The following FLG2 variants were observed in gnomAD, a reference collection of about 807,000 sequenced individuals.
FLG2 encodes filaggrin 2, also known as filaggrin-2.
In FLG2, 7 loss-of-function variants were observed where a neutral mutation model predicts 3.9. That is an observed-to-expected ratio of 1.79 (90% CI 1.02 to 3.36). The LOEUF is 3.36. FLG2 is among the 30% of genes most tolerant of loss of function. The pLI, the probability that FLG2 is intolerant of heterozygous loss-of-function variation, is 0.00. For synonymous variants in FLG2, 1,031 were observed against 1,056.1 expected (o/e 0.98, Z 0.46); for missense variants, 2,700 against 2,809.4 (o/e 0.96, Z 0.88).
In FLG2 at chr1:152,356,451, A is replaced by C. The variant is rs368123336; in HGVS notation, c.1335T>G (p.His445Gln). ...CACAAGTTTGACCTGAGCCACATAC[A>C]TGTTGTTCGAACCCAGAGGACTGAC... is the stretch of plus-strand genomic sequence containing the variant. ...GLSQSSGFEQ[H>Q]VCGSGQTCGQ... Residue 445 changes from histidine to glutamine, a missense_variant, in exon 3 of 3, where the codon CAT (histidine) becomes CAG (glutamine). Transcript: ENST00000388718. The C allele has an allele frequency of 2.5e-6, 4 of 1,614,122 alleles. No homozygotes were observed. The highest frequency in any genetic ancestry group is 2.7e-5 in the African/African-American group (2 of 74,948).
rs1360824238 is a variant in FLG2 at position 152,354,248 on chromosome 1, C to T, written c.3538G>A (p.Gly1180Arg). Residue 1180 changes from glycine (G) to arginine (R), a missense_variant, in exon 3 of 3, where the codon GGA becomes AGA. Transcript: ENST00000388718. ...TTGTCTGAGCCAGACACATGCTGTC[C>T]AAAACTTGTGGTTGGACCTGAGCCA... ...ESGSGPTTSF[G>R]QHVSGSDNFS... The T allele has an allele frequency of 6.2e-7, 1 of 1,613,844 alleles. No individual in the cohort carries two copies. The highest frequency in any genetic ancestry group is 2.2e-5 in the East Asian group (1 of 44,888).
In FLG2 at chr1:152,353,699, G is replaced by T. The variant is rs1340622094; in HGVS notation, c.4087C>A (p.Pro1363Thr). The change falls in exon 3 of 3, where the codon CCA becomes ACA. Residue 1363 changes from proline to threonine, a missense_variant. Pro to Thr is a conservative substitution (Grantham distance 38, BLOSUM62 -1). Transcript: ENST00000388718. The part of the protein sequence containing the change: ...SEVHSGVSHR[P>T]HSQEQTHSQA... ...CTGTGAGTTTGTTCTTGTGAGTGTG[G>T]TCTATGTGAGACCCCTGAGTGCACT... is the stretch of plus-strand genomic sequence containing the variant. The T allele has an allele frequency of 2.3e-5, 37 of 1,613,944 alleles. No homozygotes were observed. The highest frequency in any genetic ancestry group is 3.0e-5 in the Non-Finnish European group (35 of 1,179,990).
chr1:152,351,332 C>T lies in FLG2; in HGVS notation c.6454G>A (p.Gly2152Arg), dbSNP rs1653910721. 6.2e-7 allele frequency: 1 copy of T among 1,613,870 alleles called. No individual in the cohort carries two copies. Among genetic ancestry groups the T allele is most frequent in the Non-Finnish European group, 8.5e-7 (1 of 1,180,004 alleles). ...GRQGTIHGQT[G>R]DTTRHGQSGH... ...GACTGGCCATGTCTAGTGGTATCTC[C>T]TGTCTGTCCATGTATAGTTCCCTGT... is the stretch of plus-strand genomic sequence containing the variant. Residue 2152 changes from glycine (G) to arginine (R), a missense_variant, in exon 3 of 3, where the codon GGA becomes AGA. Gly to Arg is a moderately radical substitution (Grantham distance 125). Coordinates refer to ENST00000388718, the MANE Select transcript of FLG2 (RefSeq NM_001014342.3).
In FLG2 at chr1:152,352,176, G is replaced by A. The variant is rs751624369; in HGVS notation, c.5610C>T (p.Ser1870=). ...SGHGQSTQSG[S]STTGRRRSGH... is the part of the protein sequence containing the mutation. ...CAGATCTCCTTCTTCCAGTTGTACT[G>A]GATCCTGACTGTGTGGACTGTCCAT... Residue 1870 remains serine (S), a synonymous_variant, in exon 3 of 3, where the codon TCC becomes TCT. Transcript: ENST00000388718. 1.2e-6 allele frequency: 2 copies of A among 1,613,718 alleles called. No individual in the cohort carries two copies. Among genetic ancestry groups the A allele is most frequent in the Non-Finnish European group, 1.7e-6 (2 of 1,179,892 alleles).
In FLG2 at chr1:152,355,213, T is replaced by C. The variant is rs1161269033; in HGVS notation, c.2573A>G (p.Tyr858Cys). Residue 858 changes from tyrosine to cysteine, a missense_variant, in exon 3 of 3, where the codon TAT (tyrosine) becomes TGT (cysteine). By Grantham distance (194) the Tyr-to-Cys change is radical. Coordinates refer to ENST00000388718, the MANE Select transcript of FLG2 (RefSeq NM_001014342.3). ...HGSGSSQSSG[Y>C]GQHGSSSGQT... ...TCCCGAACTTGACCCATGTTGACCATAGCCAGATGATTGACTTGAGCCAGA... is the reference window on the plus strand; with the variant it reads ...TCCCGAACTTGACCCATGTTGACCACAGCCAGATGATTGACTTGAGCCAGA... The C allele has an allele frequency of 5.6e-6, 9 of 1,608,834 alleles. No homozygotes were observed. The highest frequency in any genetic ancestry group is 6.8e-6 in the Non-Finnish European group (8 of 1,178,716).
At chr1:152,357,896 C>T in intron 2 of FLG2, among the ~76,000 whole-genome samples, 1 of 152,102 alleles carries the variant, frequency 6.6e-6, no homozygotes, top group East Asian at 1.9e-4. Flanking sequence ...GTAAGGCCTA[C>T]AGGAAGGAGT....
chr1:152,352,003 T>A lies in FLG2; in HGVS notation c.5783A>T (p.Asp1928Val). 3.1e-6 allele frequency: 5 copies of A among 1,613,908 alleles called. No homozygotes were observed. The highest frequency in any genetic ancestry group is 1.1e-5 in the South Asian group (1 of 91,066). The change falls in exon 3 of 3, where the codon GAT becomes GTT. Residue 1928 changes from aspartate (D) to valine (V), a missense_variant. By Grantham distance (152) the Asp-to-Val change is radical. Coordinates refer to ENST00000388718, the MANE Select transcript of FLG2 (RefSeq NM_001014342.3). ...RHQTTHGQTG[D>V]TTEHGHPSHG... ...ACTAGGGTGGCCATGTTCAGTGGTA[T>A]CTCCTGTCTGTCCATGAGTAGTTTG... is the stretch of plus-strand genomic sequence containing the variant.
At position 152,357,065 on chromosome 1, in the gene FLG2, A is replaced by G; in HGVS notation, c.721T>C (p.Ser241Pro). 6.2e-7 allele frequency: 1 copy of G among 1,614,188 alleles called. No homozygotes were observed. The highest frequency in any genetic ancestry group is 8.5e-7 in the Non-Finnish European group (1 of 1,180,020). Reference protein sequence around the residue: ...SWERKGHGGLSCGLETSGHES... With the variant: ...SWERKGHGGLPCGLETSGHES... Reference sequence around the variant, plus strand: ...TGCCCACTAGTCTCCAATCCACATGACAGACCACCATGACCTTTCCTTTCC... The same window carrying G: ...TGCCCACTAGTCTCCAATCCACATGGCAGACCACCATGACCTTTCCTTTCC... Residue 241 changes from serine to proline, a missense_variant, in exon 3 of 3, where the codon TCA becomes CCA. Physicochemically the swap from Ser to Pro is moderately conservative, Grantham distance 74. Coordinates refer to ENST00000388718, the MANE Select transcript of FLG2 (RefSeq NM_001014342.3).
rs1427364387 is a variant in FLG2 at position 152,356,954 on chromosome 1, G to C, written c.832C>G (p.His278Asp). 6.2e-7 allele frequency: 1 copy of C among 1,614,184 alleles called. No homozygotes were observed. The highest frequency in any genetic ancestry group is 1.3e-5 in the African/African-American group (1 of 75,060). Residue 278 changes from histidine (H) to aspartate (D), a missense_variant, in exon 3 of 3, where the codon CAT becomes GAT. Physicochemically the swap from His to Asp is moderately conservative, Grantham distance 81. Coordinates refer to ENST00000388718, the MANE Select transcript of FLG2 (RefSeq NM_001014342.3). Reference protein sequence around the residue: ...SGSGDSGRRSHACGYSNSSGC... With the variant: ...SGSGDSGRRSDACGYSNSSGC... ...CTTGAATTGCTATAACCACATGCAT[G>C]ACTTCGCCTCCCACTGTCTCCTGAA...
In FLG2 at chr1:152,355,306, G is replaced by A. The variant is rs534756942; in HGVS notation, c.2480C>T (p.Ser827Leu). ...SAGFGQHGSGSGQSSGFGQHE... is the reference protein window; with the variant it reads ...SAGFGQHGSGLGQSSGFGQHE... ...CTGTCCAAAGCCAGAGGATTGTCCT[G>A]AGCCAGACCCATGTTGTCCAAAGCC... Residue 827 changes from serine (S) to leucine (L), a missense_variant, in exon 3 of 3, where the codon TCA becomes TTA. Transcript: ENST00000388718. The A allele has an allele frequency of 6.2e-7, 1 of 1,613,920 alleles. No homozygotes were observed. Among genetic ancestry groups the A allele is most frequent in the African/African-American group, 1.3e-5 (1 of 74,992 alleles).
In FLG2 at chr1:152,356,017, G is replaced by A. The variant is rs776364594; in HGVS notation, c.1769C>T (p.Ser590Phe). 1 of 1,613,662 alleles carries A rather than the reference G, an allele frequency of 6.2e-7. No homozygotes were observed. The change falls in exon 3 of 3, where the codon TCC becomes TTC. Residue 590 changes from serine (S) to phenylalanine (F), a missense_variant. Ser to Phe is a radical substitution (Grantham distance 155, BLOSUM62 -2). Coordinates refer to ENST00000388718, the MANE Select transcript of FLG2 (RefSeq NM_001014342.3). ...AGACCCATGTTGTCCAAAGCCAGAG[G>A]ACTGACCTGAGCCCGATCCATATTG... is the stretch of plus-strand genomic sequence containing the variant. ...FGQYGSGSGQ[S>F]SGFGQHGSGS...
At position 152,354,637 on chromosome 1, in the gene FLG2, C is replaced by A. The variant is rs1436967229; in HGVS notation, c.3149G>T (p.Gly1050Val). 1.2e-6 allele frequency: 2 copies of A among 1,613,952 alleles called. No homozygotes were observed. Among genetic ancestry groups the A allele is most frequent in the African/African-American group, 2.7e-5 (2 of 74,860 alleles). Residue 1050 changes from glycine (G) to valine (V), a missense_variant, in exon 3 of 3, where the codon GGC (glycine) becomes GTC (valine). Transcript: ENST00000388718. ...TGAACCAGTCCCATGTTGTCCAAAGCCAGAGGACTGATCTGAGCCTGATCC... is the reference window on the plus strand; with the variant it reads ...TGAACCAGTCCCATGTTGTCCAAAGACAGAGGACTGATCTGAGCCTGATCC... ...QHGSGSDQSS[G>V]FGQHGTGSGQ...
Position 152,354,843 on chromosome 1 carries a change from T to C in FLG2, c.2943A>G (p.Ser981=), listed in dbSNP as rs1478321072. 1 of 1,613,844 alleles carries C rather than the reference T, an allele frequency of 6.2e-7. No individual in the cohort carries two copies. The highest frequency in any genetic ancestry group is 1.1e-5 in the South Asian group (1 of 91,064). ...SSGFGQHESG[S]GKSSGFGQHE... ...GCTGTCCAAAGCCAGAGGATTTTCCTGAGCCTGACTCATGTTGTCCAAAGC... is the reference window on the plus strand; with the variant it reads ...GCTGTCCAAAGCCAGAGGATTTTCCCGAGCCTGACTCATGTTGTCCAAAGC... Residue 981 remains serine, a synonymous_variant, in exon 3 of 3, where the codon TCA becomes TCG. Transcript: ENST00000388718.
In FLG2 at chr1:152,352,958, C is replaced by T; in HGVS notation, c.4828G>A (p.Glu1610Lys). The T allele has an allele frequency of 6.2e-7, 1 of 1,613,052 alleles. No homozygotes were observed. The highest frequency in any genetic ancestry group is 8.5e-7 in the Non-Finnish European group (1 of 1,179,892). The change falls in exon 3 of 3, where the codon GAA (glutamate) becomes AAA (lysine). Residue 1610 changes from glutamate to lysine, a missense_variant. Glu to Lys is a moderately conservative substitution (Grantham distance 56). Transcript: ENST00000388718. ...GQAGSQHEEP[E>K]FTVHERHGTT... ...CCGTGTCTCTCATGAACTGTGAATT[C>T]TGGCTCTTCATGTTGAGATCCGGCT... is the stretch of plus-strand genomic sequence containing the variant.
rs964415749 is a variant in FLG2, at chr1:152,353,424, A to G, written c.4362T>C (p.His1454=). The change falls in exon 3 of 3, where the codon CAT becomes CAC. Residue 1454 remains histidine (H), a synonymous_variant. Coordinates refer to ENST00000388718, the MANE Select transcript of FLG2 (RefSeq NM_001014342.3). The stretch of plus-strand genomic sequence containing the variant: ...CATGAACTGTGGATCCTGACTCTCC[A>G]TGTTGAGATCCGGCTTGGCCATGAG... ...EQTHGQAGSQ[H]GESGSTVHGR... The G allele has an allele frequency of 1.2e-6, 2 of 1,607,244 alleles. No individual in the cohort carries two copies. The highest frequency in any genetic ancestry group is 1.7e-6 in the Non-Finnish European group (2 of 1,178,164).
In FLG2 at chr1:152,350,832, T is replaced by G. The variant is rs746645123; in HGVS notation, c.6954A>C (p.Thr2318=). The change falls in exon 3 of 3, where the codon ACA becomes ACC. Residue 2318 remains threonine, a synonymous_variant. Coordinates refer to ENST00000388718, the MANE Select transcript of FLG2 (RefSeq NM_001014342.3). ...GACTTGCTCTACTAGATCTGGAACC[T>G]GTCTGTGTGGATTGTCCATAACCAG... ...GHSGYGQSTQ[T]GSRSSRASHF... 6.8e-6 allele frequency: 11 copies of G among 1,614,080 alleles called. No individual in the cohort carries two copies. The Admixed American group carries it at 1.8e-4, about 27-fold the overall frequency.
At position 152,353,395 on chromosome 1, in the gene FLG2, C is replaced by T. The variant is rs754918373; in HGVS notation, c.4391G>A (p.Arg1464Lys). 2.5e-6 allele frequency: 4 copies of T among 1,613,350 alleles called. No individual in the cohort carries two copies. The highest frequency in any genetic ancestry group is 3.4e-6 in the Non-Finnish European group (4 of 1,179,872). The change falls in exon 3 of 3, where the codon AGA becomes AAA. Residue 1464 changes from arginine (R) to lysine (K), a missense_variant. Physicochemically the swap from Arg to Lys is conservative, Grantham distance 26 (BLOSUM62 2). Transcript: ENST00000388718. ...TGTCTGTCCATGAGTAGTTCCGTGT[C>T]TCCCATGAACTGTGGATCCTGACTC... Reference protein sequence around the residue: ...HGESGSTVHGRHGTTHGQTGD... With the variant: ...HGESGSTVHGKHGTTHGQTGD...
Position 152,352,593 on chromosome 1 carries a change from G to T in FLG2, c.5193C>A (p.Tyr1731Ter). 1 of 1,613,978 alleles carries T rather than the reference G, an allele frequency of 6.2e-7. No homozygotes were observed. Among genetic ancestry groups the T allele is most frequent in the African/African-American group, 1.3e-5 (1 of 74,970 alleles). ...CTCCTGAGTACCCTTCACTGTCACTGTACTCACTGTGGCCAGATCCCCTTC... is the reference window on the plus strand; with the variant it reads ...CTCCTGAGTACCCTTCACTGTCACTTTACTCACTGTGGCCAGATCCCCTTC... The part of the protein sequence containing the change: ...TGRRGSGHSE[Y>*]SDSEGYSGVS... Residue 1731 changes from tyrosine (Y) to a stop codon, truncating the protein, a stop_gained, in exon 3 of 3, where the codon TAC becomes TAA. Transcript: ENST00000388718. LOFTEE classifies it low-confidence loss of function (END_TRUNC).
rs898028771 is a variant in FLG2, at chr1:152,356,700, T to C, written c.1086A>G (p.Gln362=). The change falls in exon 3 of 3, where the codon CAA becomes CAG. Residue 362 remains glutamine (Q), a synonymous_variant. Transcript: ENST00000388718. ...QRGYGARENG[Q]PQNCGGQWRT... is the part of the protein sequence containing the mutation. The stretch of plus-strand genomic sequence containing the variant: ...TCCATTGTCCTCCACAGTTCTGTGG[T>C]TGACCATTTTCTCTAGCTCCATATC... 8.1e-6 allele frequency: 13 copies of C among 1,614,088 alleles called. No homozygotes were observed. The highest frequency in any genetic ancestry group is 1.3e-5 in the African/African-American group (1 of 74,930).
Sources: allele counts gnomAD v4.1 joint callset (sites outside exome capture counted in the v4.1 genomes callset), GRCh38; gene constraint gnomAD v4.1.1; transcripts MANE v1.5; gene names NCBI Gene and HGNC (gene_info 2026-07-23, HGNC 2026-07-21).